The following AGBL4 variants were observed in gnomAD, a reference collection of about 807,000 sequenced individuals.
AGBL4 encodes the protein cytosolic carboxypeptidase 6.
A neutral mutation model predicts 66.4 loss-of-function variants in AGBL4; 58 were observed. The observed-to-expected ratio is 0.87, with a 90% CI of 0.71 to 1.09. The LOEUF (loss-of-function observed/expected upper bound fraction) is 1.09. Ranked by LOEUF, AGBL4 falls within the 50% of genes least tolerant of loss-of-function variation. The probability of loss-of-function intolerance (pLI) is 0.00; values close to 1 mark genes in which losing one functional copy is unlikely to be tolerated. For missense variants in AGBL4, 579 were observed against 631.0 expected (o/e 0.92, Z 0.88); for synonymous variants, 234 against 222.9 (o/e 1.05, Z -0.44).
chr1:49,312,176 A>G (rs1179559701), intron 3 of AGBL4, among the ~76,000 whole-genome samples: 1 of 152,102 alleles, frequency 6.6e-6, no homozygotes, highest in African/African-American at 2.4e-5. Context: ...TTAGGAAGCA[A>G]CTAGGCCATG....
chr1:48,715,234 G>C lies in AGBL4; in HGVS notation c.635-51993C>G, dbSNP rs566813338. Among the ~76,000 whole-genome samples, 693 of 152,080 alleles carry C rather than the reference G, an allele frequency of 4.6e-3. 3 individuals are homozygous for C. The highest frequency in any genetic ancestry group is 0.014 in the Middle Eastern group (4 of 294). On this transcript the variant is annotated intron_variant, in intron 6 of 13. Coordinates refer to ENST00000371839, the MANE Select transcript of AGBL4 (RefSeq NM_032785.4). ...GTAATGCCACCCCATACCCCTCCTCGGGCCCAGCTCTCACCTGAGAATCAG... is the reference window on the plus strand; with the variant it reads ...GTAATGCCACCCCATACCCCTCCTCCGGCCCAGCTCTCACCTGAGAATCAG...
At chr1:49,178,858 T>C (rs1242162028) in intron 4 of AGBL4, among the ~76,000 whole-genome samples, 3 of 152,194 alleles carry the variant, frequency 2.0e-5, no homozygotes, top group Admixed American at 6.5e-5. Flanking sequence ...ATTAGTCTTG[T>C]CACTAAAGTA....
intron 1 of AGBL4, among the ~76,000 whole-genome samples, chr1:49,975,639 CA>C (rs1658496420): frequency 6.6e-6 from 1 of 152,162 alleles, no homozygotes; most frequent in East Asian, 1.9e-4. Flanking sequence ...AATTTGTAAT[CA>C]AAGAGACCAC....
rs574964240 is a variant in AGBL4 at position 49,916,668 on chromosome 1, T to A, written c.35-65150A>T. On this transcript the variant is annotated intron_variant, in intron 1 of 13. Coordinates refer to ENST00000371839, the MANE Select transcript of AGBL4 (RefSeq NM_032785.4). ...AAGTTGGAAAACACTCTGCAGGATATTATCCAGGAGAACTTCCCCAACCTA... is the reference window on the plus strand; with the variant it reads ...AAGTTGGAAAACACTCTGCAGGATAATATCCAGGAGAACTTCCCCAACCTA... 2.0e-5 allele frequency among the ~76,000 whole-genome samples: 3 copies of A among 152,290 alleles called. No individual in the cohort carries two copies. In the South Asian group the frequency reaches 6.2e-4, roughly 32 times the overall value.
At chr1:48,955,772 G>T (rs961464796) in intron 5 of AGBL4, among the ~76,000 whole-genome samples, 3 of 152,320 alleles carry the variant, frequency 2.0e-5, no homozygotes, top group Admixed American at 6.5e-5. Flanking sequence ...GCCCGTGGCT[G>T]GATGACCCTG....
intron 3 of AGBL4, among the ~76,000 whole-genome samples, chr1:49,314,714 A>C (rs1377322419): frequency 6.6e-6 from 1 of 152,122 alleles, no homozygotes; most frequent in Non-Finnish European, 1.5e-5. Flanking sequence ...TCTTTATAGT[A>C]TAATGATTTA....
chr1:49,458,819 A>G (rs539070543), intron 3 of AGBL4, among the ~76,000 whole-genome samples: 1 of 151,918 alleles, frequency 6.6e-6, no homozygotes, highest in Non-Finnish European at 1.5e-5. Flanking sequence ...TGAGATGATC[A>G]GGTGATTTTT....
At chr1:49,739,696 C>T (rs551776241) in intron 2 of AGBL4, among the ~76,000 whole-genome samples, 4 of 152,254 alleles carry the variant, frequency 2.6e-5, no homozygotes, top group South Asian at 2.1e-4. Flanking sequence ...AGACTAACAG[C>T]GGATCTCTCG....
intron 3 of AGBL4, among the ~76,000 whole-genome samples, chr1:49,302,605 A>ATTTTT (rs1229648131): frequency 2.4e-5 from 2 of 84,434 alleles, no homozygotes; most frequent in Admixed American, 3.2e-4. Flanking sequence ...ATTTTATTTT[A>ATTTTT]TTTTTTTATT....
chr1:49,276,731 C>G lies in AGBL4; in HGVS notation c.283-30867G>C, dbSNP rs1326464890. Among the ~76,000 whole-genome samples, 4 of 152,172 alleles carry G rather than the reference C, an allele frequency of 2.6e-5. No homozygotes were observed. In the East Asian group the frequency reaches 7.7e-4, roughly 29 times the overall value. ...TCCCTCCCATAGCCTGTCTTGTCAC[C>G]ATGACCGGATTTACCACCATAATCT... On this transcript the variant is annotated intron_variant, in intron 3 of 13. Coordinates refer to ENST00000371839, the MANE Select transcript of AGBL4 (RefSeq NM_032785.4).
chr1:49,209,522 G>T (rs1648501324), intron 4 of AGBL4, among the ~76,000 whole-genome samples: 1 of 152,022 alleles, frequency 6.6e-6, no homozygotes, highest in South Asian at 2.1e-4. Context: ...CATTAATAGA[G>T]GACATTATGG....
chr1:49,612,287 G>A (rs1047794626), intron 3 of AGBL4, among the ~76,000 whole-genome samples: 1 of 152,220 alleles, frequency 6.6e-6, no homozygotes, highest in East Asian at 1.9e-4. Context: ...AAGCAAAGCT[G>A]CTGTTATTCT....
At chr1:48,707,996 A>G (rs558407193) in intron 6 of AGBL4, among the ~76,000 whole-genome samples, 140 of 152,338 alleles carry the variant, frequency 9.2e-4, no homozygotes, top group Non-Finnish European at 1.8e-3. Context: ...TTTCCTACAC[A>G]TTCACTCATT....
chr1:48,549,226 CA>C (rs1226316179), intron 11 of AGBL4, among the ~76,000 whole-genome samples: 4 of 152,210 alleles, frequency 2.6e-5, no homozygotes, highest in Non-Finnish European at 5.9e-5. Flanking sequence ...TATTAAGAGG[CA>C]CCTGCCTAGG....
intron 3 of AGBL4, among the ~76,000 whole-genome samples, chr1:49,592,316 A>T (rs1167947910): frequency 2.0e-5 from 3 of 152,210 alleles, no homozygotes; most frequent in Non-Finnish European, 4.4e-5. Context: ...CACACCTGTA[A>T]TCCCTGCACT....
intron 2 of AGBL4, among the ~76,000 whole-genome samples, chr1:49,837,974 G>C (rs1645895392): frequency 6.6e-6 from 1 of 152,148 alleles, no homozygotes; most frequent in African/African-American, 2.4e-5. Flanking sequence ...TAACCCCAGG[G>C]AATCAATGAG....
intron 11 of AGBL4, among the ~76,000 whole-genome samples, chr1:48,564,734 G>A (rs994724210): frequency 1.3e-5 from 2 of 152,148 alleles, no homozygotes; most frequent in South Asian, 2.1e-4. Context: ...TAAATGCCAC[G>A]CTCAAAAACC....
intron 11 of AGBL4, among the ~76,000 whole-genome samples, chr1:48,557,021 C>T (rs1200058328): frequency 6.6e-6 from 1 of 152,076 alleles, no homozygotes; most frequent in African/African-American, 2.4e-5. Context: ...AACTCCTGAG[C>T]TCAGGAGATC....
chr1:49,816,513 T>G (rs1354368633), intron 2 of AGBL4, among the ~76,000 whole-genome samples: 1 of 152,092 alleles, frequency 6.6e-6, no homozygotes, highest in Non-Finnish European at 1.5e-5. Context: ...TAGATATGAG[T>G]ATAGACATGG....
Sources: allele counts gnomAD v4.1 joint callset (sites outside exome capture counted in the v4.1 genomes callset), GRCh38; gene constraint gnomAD v4.1.1; transcripts MANE v1.5; gene names NCBI Gene and HGNC (gene_info 2026-07-23, HGNC 2026-07-21).